DFFB: variants seen among roughly 807,000 people sequenced by gnomAD.
DFFB encodes DNA fragmentation factor 40 kDa subunit.
DFFB carries 29 observed loss-of-function variants against 32.7 expected under a neutral mutation model. That is an observed-to-expected ratio of 0.89 (90% confidence interval 0.66 to 1.21). The LOEUF is 1.21. Ranked by LOEUF, DFFB falls within the 50% of genes most tolerant of loss-of-function variation. The pLI is 0.00. For missense variants in DFFB, 398 were observed against 440.6 expected (o/e 0.90, Z 0.87); for synonymous variants, 170 against 177.1 (o/e 0.96, Z 0.32).
Position 3,885,184 on chromosome 1 carries a change from A to G in DFFB, c.*1443A>G, listed in dbSNP as rs1189084727. On this transcript the variant is annotated 3_prime_UTR_variant, in exon 7 of 7. Coordinates refer to ENST00000378209, the MANE Select transcript of DFFB (RefSeq NM_004402.4). ...TCAGCCGTGTGGGTGGCGGGTGCACAGAGACGGTCTGGAAGGAAACACGCG... is the reference window on the plus strand; with the variant it reads ...TCAGCCGTGTGGGTGGCGGGTGCACGGAGACGGTCTGGAAGGAAACACGCG... The G allele has an allele frequency of 6.6e-6, 1 of 152,192 alleles. No homozygotes were observed. The allele number at this position is 152,192 out of a possible 1,614,324, so 9.4% of individuals were successfully genotyped here. A position where few individuals can be genotyped will look rare whatever the true frequency, so the allele number is the denominator to read the frequency against.
chr1:3,857,915 G>A (rs547993007), intron 1 of DFFB, among the ~76,000 whole-genome samples, 198 bp downstream of exon 1: 1 of 152,292 alleles, frequency 6.6e-6, no homozygotes, highest in East Asian at 1.9e-4. Context: ...GGGGGTTGGG[G>A]GACGACCTGG....
Position 3,857,735 on chromosome 1 carries a change from CG to C in DFFB, c.114+22del. 6.8e-7 allele frequency: 1 copy of C among 1,461,900 alleles called. No homozygotes were observed. The highest frequency in any genetic ancestry group is 1.4e-5 in the African/African-American group (1 of 69,190). The allele number at this position is 1,461,900 out of a possible 1,614,324, so 90.6% of individuals were successfully genotyped here. On this transcript the variant is annotated intron_variant, in intron 1 of 6. Transcript: ENST00000378209. ...GCTTCCAGGTGCCCGCTGGGCTAGG[CG>C]GGGACGGCCCGTCGGGGAGGCGTGT...
chr1:3,864,197 C>T (rs915338811), intron 2 of DFFB, among the ~76,000 whole-genome samples: 13 of 152,140 alleles, frequency 8.5e-5, no homozygotes, highest in Non-Finnish European at 1.8e-4. Context: ...GATCTCCTGA[C>T]CTTGTGATCT....
chr1:3,883,508 A>G lies in DFFB; in HGVS notation c.784A>G (p.Ile262Val), dbSNP rs1355942074. The G allele has an allele frequency of 1.2e-6, 2 of 1,613,714 alleles. No homozygotes were observed. The highest frequency in any genetic ancestry group is 2.7e-5 in the African/African-American group (2 of 74,940). The stretch of plus-strand genomic sequence containing the variant: ...GATGTCTCTAACCTTACTTTGCAGA[A>G]TAGAAAAGAAACGCACCATCATTCC... ...LFSTWNLDHIIEKKRTIIPTL... is the reference protein window; with the variant it reads ...LFSTWNLDHIVEKKRTIIPTL... The change falls in exon 7 of 7, where the codon ATA (isoleucine) becomes GTA (valine). Residue 262 changes from isoleucine to valine, a missense_variant and splice_region_variant. Ile to Val is a conservative substitution (Grantham distance 29). Coordinates refer to ENST00000378209, the MANE Select transcript of DFFB (RefSeq NM_004402.4).
chr1:3,872,368 G>T, intron 5 of DFFB, 104 bp from the exon 6 acceptor site: 1 of 784,950 alleles, frequency 1.3e-6, no homozygotes, highest in Non-Finnish European at 2.1e-6. Flanking sequence ...AGCCGAGATC[G>T]GGCCACTGCA....
intron 6 of DFFB, chr1:3,872,925 G>T (rs746613601): frequency 6.7e-5 from 82 of 1,215,134 alleles, no homozygotes; most frequent in Non-Finnish European, 8.2e-5. Flanking sequence ...CTGAACCTCT[G>T]TGAGTTTGAA....
chr1:3,867,211 A>G (rs1645002151), intron 3 of DFFB, among the ~76,000 whole-genome samples: 1 of 152,194 alleles, frequency 6.6e-6, no homozygotes, highest in African/African-American at 2.4e-5. Context: ...CCTTCTTTTT[A>G]AGGCCAAATG....
intron 3 of DFFB, chr1:3,867,758 C>T (rs1645013202): frequency 1.8e-6 from 1 of 542,392 alleles, no homozygotes; most frequent in Non-Finnish European, 3.3e-6. Context: ...AAGTCTGAGG[C>T]AGGAGGATTC....
intron 6 of DFFB, among the ~76,000 whole-genome samples, chr1:3,874,234 T>G (rs1182406338): frequency 6.8e-6 from 1 of 147,418 alleles, no homozygotes; most frequent in Non-Finnish European, 1.5e-5. Flanking sequence ...GCATGTGAGT[T>G]TAACATGTAC....
intron 6 of DFFB, among the ~76,000 whole-genome samples, chr1:3,875,387 A>G (rs1645202451): frequency 6.6e-6 from 1 of 152,172 alleles, no homozygotes; most frequent in Non-Finnish European, 1.5e-5. Flanking sequence ...AAGATGCCCC[A>G]GTGTCTGAGC....
In DFFB at chr1:3,857,673, C is replaced by T. The variant is rs1314954781; in HGVS notation, c.70C>T (p.Arg24Trp). ...RSPRKFGVAG[R>W]SCQEVLRKGC... ...CCCGAGGAAGTTCGGCGTGGCTGGC[C>T]GGAGCTGCCAGGAGGTGCTGCGCAA... The change falls in exon 1 of 7, where the codon CGG becomes TGG. Residue 24 changes from arginine to tryptophan, a missense_variant. Transcript: ENST00000378209. 8 of 1,594,270 alleles carry T rather than the reference C, an allele frequency of 5.0e-6. No individual in the cohort carries two copies. Among genetic ancestry groups the T allele is most frequent in the Non-Finnish European group, 6.8e-6 (8 of 1,171,330 alleles).
At chr1:3,874,173 G>A (rs1165140217) in intron 6 of DFFB, among the ~76,000 whole-genome samples, 1 of 150,274 alleles carries the variant, frequency 6.7e-6, no homozygotes, top group Non-Finnish European at 1.5e-5. Flanking sequence ...GCACGTACGT[G>A]GCCTCCCACG....
intron 1 of DFFB, among the ~76,000 whole-genome samples, chr1:3,858,113 C>G (rs1644794795): frequency 1.3e-5 from 2 of 152,350 alleles, no homozygotes; most frequent in South Asian, 4.1e-4. Flanking sequence ...GCCCTCGCAG[C>G]TGGGGATTGC....
At chr1:3,882,664 C>T (rs1265030095) in intron 6 of DFFB, among the ~76,000 whole-genome samples, 1 of 152,158 alleles carries the variant, frequency 6.6e-6, no homozygotes, top group Non-Finnish European at 1.5e-5. Flanking sequence ...TGCGCCTGGC[C>T]TCATTTGTTT....
At chr1:3,863,702 C>T (rs569953250) in intron 2 of DFFB, among the ~76,000 whole-genome samples, 7 of 152,146 alleles carry the variant, frequency 4.6e-5, no homozygotes, top group East Asian at 1.9e-4. Flanking sequence ...ACAGCATGGC[C>T]GAGCCTTGAA....
Position 3,859,187 on chromosome 1 carries a change from G to A in DFFB, c.241+343G>A, listed in dbSNP as rs535451839. Among the ~76,000 whole-genome samples the A allele has an allele frequency of 4.7e-3, 712 of 152,312 alleles. 5 individuals are homozygous for A. Among genetic ancestry groups the A allele is most frequent in the Non-Finnish European group, 8.3e-3 (565 of 68,028 alleles). ...AGTTTCATGGGGAAGGTGGAGCCAG[G>A]AAGAGATGCTGTTCTGTTCTGCTGG... On this transcript the variant is annotated intron_variant, in intron 2 of 6. Coordinates refer to ENST00000378209, the MANE Select transcript of DFFB (RefSeq NM_004402.4).
intron 6 of DFFB, chr1:3,873,032 T>C: frequency 2.4e-6 from 3 of 1,245,572 alleles, no homozygotes; most frequent in Non-Finnish European, 3.1e-6. Flanking sequence ...TCTTGCTCTG[T>C]GGCCCAGGCT....
intron 4 of DFFB, 103 bp downstream of exon 4, chr1:3,868,156 C>T (rs1273538491): frequency 3.6e-5 from 38 of 1,044,094 alleles, no homozygotes; most frequent in Non-Finnish European, 5.3e-5. Context: ...GGTAGGACCA[C>T]ACTCCGTGCT....
At chr1:3,863,861 G>C (rs1644923833) in intron 2 of DFFB, among the ~76,000 whole-genome samples, 4 of 152,182 alleles carry the variant, frequency 2.6e-5, no homozygotes, top group African/African-American at 9.7e-5. Context: ...TAGCTAAAGA[G>C]TATGAGGTTT....
Sources: gnomAD v4.1 joint callset for allele counts (sites outside exome capture counted in the v4.1 genomes callset) on GRCh38, gnomAD v4.1.1 for gene constraint, MANE v1.5 for transcripts, NCBI Gene and HGNC (gene_info 2026-07-23, HGNC 2026-07-21) for gene names.